Variants in SLC24A2 observed in about 807,000 individuals in gnomAD.
The protein encoded by SLC24A2 is solute carrier family 24 member 2, also known as sodium/potassium/calcium exchanger 2.
Under a neutral mutation model 62.0 loss-of-function variants are expected in SLC24A2, and 36 were observed. The ratio of observed to expected loss-of-function variants is 0.58; its 90% CI spans 0.44 to 0.77. The LOEUF is 0.77. Ranked by LOEUF, SLC24A2 falls within the 30% of genes least tolerant of loss-of-function variation. SLC24A2 has a pLI of 0.00. For synonymous variants in SLC24A2, 358 were observed against 294.0 expected, an observed-to-expected ratio of 1.22 and a Z score of -2.23; for missense variants, 846 against 817.9, an observed-to-expected ratio of 1.03 and a Z score of -0.42.
At chr9:19,596,747 G>C (rs187619736) in intron 5 of SLC24A2, among the ~76,000 whole-genome samples, 27 of 152,312 alleles carry the variant, frequency 1.8e-4, no homozygotes, top group Non-Finnish European at 3.7e-4. Context: ...CAGGCCATGA[G>C]CCTACAGTCC....
intron 2 of SLC24A2, among the ~76,000 whole-genome samples, chr9:19,778,185 T>C (rs1222324833): frequency 6.6e-6 from 1 of 152,218 alleles, no homozygotes; most frequent in Non-Finnish European, 1.5e-5. Context: ...CTCCCTAAAA[T>C]GTTGGAATAT....
the SLC24A2 span, among the ~76,000 whole-genome samples, chr9:20,284,941 G>C: frequency 2.0e-5 from 3 of 152,204 alleles, no homozygotes; most frequent in African/African-American, 7.2e-5. Flanking sequence ...GATATTGTTT[G>C]AGAAGCTGCT....
chr9:20,020,156 A>G, the SLC24A2 span, among the ~76,000 whole-genome samples: 13 of 152,350 alleles, frequency 8.5e-5, no homozygotes, highest in East Asian at 2.3e-3. Flanking sequence ...TGTGGAAGAC[A>G]GTGTGGCTAT....
chr9:20,043,081 A>C, the SLC24A2 span, among the ~76,000 whole-genome samples: 1 of 152,154 alleles, frequency 6.6e-6, no homozygotes, highest in Non-Finnish European at 1.5e-5. Context: ...AAAGAGTCAC[A>C]CACCTTTCAC....
chr9:19,972,607 C>T, the SLC24A2 span, among the ~76,000 whole-genome samples: 7 of 152,174 alleles, frequency 4.6e-5, no homozygotes, highest in East Asian at 1.4e-3. Context: ...TTAAAAGTGG[C>T]TGTTTAGAAG....
chr9:19,868,875 T>A, the SLC24A2 span, among the ~76,000 whole-genome samples: 2 of 152,048 alleles, frequency 1.3e-5, no homozygotes, highest in African/African-American at 4.8e-5. Flanking sequence ...GAAATATGTG[T>A]CACTTTCATT....
the SLC24A2 span, among the ~76,000 whole-genome samples, chr9:20,080,182 C>G: frequency 2.0e-5 from 3 of 152,224 alleles, no homozygotes; most frequent in East Asian, 1.9e-4. Context: ...AATCCTAAGC[C>G]AAAAGAACAA....
At chr9:19,838,260 T>G in the SLC24A2 span, among the ~76,000 whole-genome samples, 1 of 152,006 alleles carries the variant, frequency 6.6e-6, no homozygotes, top group Non-Finnish European at 1.5e-5. Context: ...TCAGAAATAA[T>G]GCCACATATC....
chr9:20,100,204 GT>G, the SLC24A2 span, among the ~76,000 whole-genome samples: 1 of 151,208 alleles, frequency 6.6e-6, no homozygotes, highest in African/African-American at 2.4e-5. Flanking sequence ...GTTTTTGTTT[GT>G]TTTTTTTGTT....
At position 19,576,929 on chromosome 9, in the gene SLC24A2, T is replaced by A; in HGVS notation, c.1223A>T (p.His408Leu). The change falls in exon 6 of 11, where the codon CAC (histidine) becomes CTC (leucine). Residue 408 changes from histidine to leucine, a missense_variant. Physicochemically the swap from His to Leu is moderately conservative, Grantham distance 99. Transcript: ENST00000341998. ...GGATGTTTCCCTGCACTCACCCACGTGGTTGGCAGCCCCATTCTGCCTCTC... is the reference window on the plus strand; with the variant it reads ...GGATGTTTCCCTGCACTCACCCACGAGGTTGGCAGCCCCATTCTGCCTCTC... ...ENERQNGAAN[H>L]VEKIELPNST... The A allele has an allele frequency of 6.2e-7, 1 of 1,612,208 alleles. No homozygotes were observed. Among genetic ancestry groups the A allele is most frequent in the Non-Finnish European group, 8.5e-7 (1 of 1,178,202 alleles).
chr9:20,114,405 C>T, the SLC24A2 span, among the ~76,000 whole-genome samples: 5 of 152,140 alleles, frequency 3.3e-5, no homozygotes, highest in Admixed American at 3.3e-4. Flanking sequence ...ATGCTAAAGG[C>T]TGCTGCGGTC....
chr9:19,902,316 T>A, the SLC24A2 span, among the ~76,000 whole-genome samples: 2 of 152,292 alleles, frequency 1.3e-5, no homozygotes, highest in Admixed American at 1.3e-4. Context: ...TTATTTTTAG[T>A]TTACAAGACT....
chr9:19,661,180 A>G (rs926024964), intron 2 of SLC24A2, among the ~76,000 whole-genome samples: 1 of 147,806 alleles, frequency 6.8e-6, no homozygotes, highest in Admixed American at 7.0e-5. Context: ...CATTACCAGC[A>G]CTTAGACTTA....
chr9:19,849,547 AAATAAAGC>A, the SLC24A2 span, among the ~76,000 whole-genome samples: 1 of 152,190 alleles, frequency 6.6e-6, no homozygotes, highest in African/African-American at 2.4e-5. Flanking sequence ...TTCAATAGAG[AAATAAAGC>A]ACACTGGGGA....
chr9:19,855,094 A>C, the SLC24A2 span, among the ~76,000 whole-genome samples: 2 of 152,068 alleles, frequency 1.3e-5, no homozygotes, highest in African/African-American at 4.8e-5. Flanking sequence ...CTGTTTTGTC[A>C]GAAACTAAGA....
the SLC24A2 span, among the ~76,000 whole-genome samples, chr9:20,095,400 T>A: frequency 1.3e-5 from 2 of 152,184 alleles, no homozygotes; most frequent in Admixed American, 1.3e-4. Context: ...GTAAGTGTGT[T>A]TTGGGATGAG....
At chr9:19,604,209 C>T (rs1297272785) in intron 4 of SLC24A2, among the ~76,000 whole-genome samples, 2 of 152,214 alleles carry the variant, frequency 1.3e-5, no homozygotes, top group African/African-American at 4.8e-5. Flanking sequence ...TCTAATTCCA[C>T]AGCTTCAACT....
chr9:19,934,884 T>G, the SLC24A2 span, among the ~76,000 whole-genome samples: 1 of 151,814 alleles, frequency 6.6e-6, no homozygotes, highest in African/African-American at 2.4e-5. The surrounding 1 kb of genome is among the most constrained non-coding windows in gnomAD (Gnocchi z 4.1). Flanking sequence ...AAGAGAAAGA[T>G]TTTAAATTGG....
chr9:20,239,022 T>C, the SLC24A2 span, among the ~76,000 whole-genome samples: 1 of 152,208 alleles, frequency 6.6e-6, no homozygotes, highest in Non-Finnish European at 1.5e-5. Context: ...AGAAACTAAA[T>C]TGGCTAAATC....
Sources: gnomAD v4.1 joint callset for allele counts (sites outside exome capture counted in the v4.1 genomes callset) on GRCh38, gnomAD v4.1.1 for gene constraint, Gnocchi (gnomAD v3.1) non-coding constraint, MANE v1.5 for transcripts, NCBI Gene and HGNC (gene_info 2026-07-23, HGNC 2026-07-21) for gene names.